SP3: variants seen among roughly 807,000 people sequenced by gnomAD.
The protein encoded by SP3 is transcription factor Sp3.
A neutral mutation model predicts 70.3 loss-of-function variants in SP3; 10 were observed. The observed-to-expected ratio is 0.14, with a 90% CI of 0.09 to 0.24. The LOEUF (loss-of-function observed/expected upper bound fraction) is 0.24. Ranked by LOEUF, SP3 falls within the 10% of genes least tolerant of loss-of-function variation. The probability of loss-of-function intolerance (pLI) is 1.00; values close to 1 mark genes in which losing one functional copy is unlikely to be tolerated. For synonymous variants in SP3, 402 were observed against 333.5 expected, an observed-to-expected ratio of 1.21 and a Z score of -2.24; for missense variants, 825 against 914.6, an observed-to-expected ratio of 0.90 and a Z score of 1.26.
chr2:173,936,079 G>A (rs772096170), intron 4 of SP3, among the ~76,000 whole-genome samples: 8 of 152,072 alleles, frequency 5.3e-5, no homozygotes, highest in Non-Finnish European at 1.2e-4. Flanking sequence ...CCAGGCTGGA[G>A]AGCAGTGGCA....
At chr2:173,957,614 G>A (rs1000389279) in intron 3 of SP3, among the ~76,000 whole-genome samples, 6 of 152,072 alleles carry the variant, frequency 3.9e-5, no homozygotes, top group African/African-American at 1.2e-4. Context: ...TTTTATCAAC[G>A]CTTGTAAATG....
chr2:173,913,010 T>G (rs1689533914), intron 6 of SP3, 60 bp downstream of exon 6: 1 of 1,291,220 alleles, frequency 7.7e-7, no homozygotes, highest in Non-Finnish European at 1.0e-6. Context: ...AAAAAAGAAG[T>G]CAAGGCAGTT....
intron 6 of SP3, among the ~76,000 whole-genome samples, chr2:173,910,739 C>A (rs1382928824): frequency 6.6e-6 from 1 of 152,144 alleles, no homozygotes; most frequent in African/African-American, 2.4e-5. Flanking sequence ...ACACCACAAG[C>A]TTGAGATCCA....
intron 4 of SP3, among the ~76,000 whole-genome samples, chr2:173,951,204 T>C (rs751027311): frequency 5.9e-5 from 9 of 152,214 alleles, no homozygotes; most frequent in Non-Finnish European, 1.2e-4. Context: ...GTAACATTAA[T>C]TTTGTACACA....
intron 5 of SP3, chr2:173,913,829 A>C (rs1006781017): frequency 5.9e-5 from 9 of 152,166 alleles, no homozygotes; most frequent in African/African-American, 2.2e-4. Context: ...CTTTTTTTTA[A>C]ATCTAGTTAA....
At chr2:173,952,166 T>TTTACTTGAAAGAAGTAAAA (rs1468175661) in intron 4 of SP3, among the ~76,000 whole-genome samples, 37 of 151,904 alleles carry the variant, frequency 2.4e-4, no homozygotes, top group Non-Finnish European at 2.5e-4. Flanking sequence ...CCACAGTTTA[T>TTTACTTGAAAGAAGTAAAA]CATTCTTTCA....
intron 4 of SP3, among the ~76,000 whole-genome samples, chr2:173,924,088 A>G (rs2105465265): frequency 6.6e-6 from 1 of 152,212 alleles, no homozygotes; most frequent in African/African-American, 2.4e-5. Context: ...AAATATAATA[A>G]TAATTTTAAA....
Position 173,906,426 on chromosome 2 carries a change from GACA to G in SP3, c.*3512_*3514del. ...TTAATTTGTTTTGTGCTTATTGTCA[GACA>G]ACAAAAGACTTAGTACTCATTCATG... On this transcript the variant is annotated 3_prime_UTR_variant, in exon 7 of 7. Transcript: ENST00000310015. 6.6e-6 allele frequency: 1 copy of G among 152,082 alleles called. No homozygotes were observed. Among genetic ancestry groups the G allele is most frequent in the East Asian group, 1.9e-4 (1 of 5,198 alleles). The allele number at this position is 152,082 out of a possible 1,614,324, so 9.4% of individuals were successfully genotyped here.
chr2:173,924,348 T>A (rs1689847875), intron 4 of SP3, among the ~76,000 whole-genome samples: 1 of 152,212 alleles, frequency 6.6e-6, no homozygotes, highest in Non-Finnish European at 1.5e-5. Context: ...CATTTTATAG[T>A]CTTACCACAA....
At chr2:173,924,004 A>G (rs944667662) in intron 4 of SP3, among the ~76,000 whole-genome samples, 1 of 152,150 alleles carries the variant, frequency 6.6e-6, no homozygotes, top group African/African-American at 2.4e-5. Flanking sequence ...TCCTAAAAAT[A>G]TAACTTCACT....
rs1235127640 is a variant in SP3, at chr2:173,955,470, T to C, written c.1042A>G (p.Ile348Val). Residue 348 changes from isoleucine (I) to valine (V), a missense_variant, in exon 4 of 7, where the codon ATA (isoleucine) becomes GTA (valine). Ile to Val is a conservative substitution (Grantham distance 29). Transcript: ENST00000310015. ...QLPVTIDSTG[I>V]LQQNTNSLTT... ...AAGCTATTTGTGTTTTGTTGTAATA[T>C]ACCTGTACTATCTATCGTAACAGGC... The C allele has an allele frequency of 6.2e-7, 1 of 1,614,178 alleles. No individual in the cohort carries two copies. The highest frequency in any genetic ancestry group is 8.5e-7 in the Non-Finnish European group (1 of 1,180,024).
Position 173,906,814 on chromosome 2 carries a change from T to TC in SP3, c.*3126_*3127insG, listed in dbSNP as rs1267660545. 1.1e-4 allele frequency: 17 copies of TC among 152,130 alleles called. No individual in the cohort carries two copies. Among genetic ancestry groups the TC allele is most frequent in the African/African-American group, 3.9e-4 (16 of 41,402 alleles). 9.4% of individuals were successfully genotyped at this position (152,130 alleles called of 1,614,324 possible). A position where few individuals can be genotyped will look rare whatever the true frequency, so the allele number is the denominator to read the frequency against. On this transcript the variant is annotated 3_prime_UTR_variant, in exon 7 of 7. Coordinates refer to ENST00000310015, the MANE Select transcript of SP3 (RefSeq NM_003111.5). ...TTGAGCAGCTGTTTCAAAACACATA[T>TC]ACACTCCATCTCCAGAGATGTTGAT...
rs1487714720 is a variant in SP3, at chr2:173,904,270, T to G, written c.*5671A>C. Among the ~76,000 whole-genome samples, 4 of 152,040 alleles carry G rather than the reference T, an allele frequency of 2.6e-5. No individual in the cohort carries two copies. Among genetic ancestry groups the G allele is most frequent in the Non-Finnish European group, 4.4e-5 (3 of 67,982 alleles). On this transcript the variant is annotated 3_prime_UTR_variant, in exon 7 of 7. Transcript: ENST00000310015. ...TGGTTCCTCACAGACCAGGGACCAG[T>G]ACCGGTCTGTGGCCCAGGGGTTGGG...
At chr2:173,911,408 T>C (rs975840594) in intron 6 of SP3, among the ~76,000 whole-genome samples, 1 of 152,192 alleles carries the variant, frequency 6.6e-6, no homozygotes, top group Non-Finnish European at 1.5e-5. Flanking sequence ...CATACCACCA[T>C]TTTTCTACTA....
At chr2:173,963,554 T>C (rs1197372697) in intron 3 of SP3, among the ~76,000 whole-genome samples, 4 of 152,094 alleles carry the variant, frequency 2.6e-5, no homozygotes, top group Non-Finnish European at 5.9e-5. Context: ...TTGCGCGAGG[T>C]GCTGCAGTGA....
At chr2:173,931,571 T>G (rs983296894) in intron 4 of SP3, among the ~76,000 whole-genome samples, 3 of 151,242 alleles carry the variant, frequency 2.0e-5, no homozygotes, top group African/African-American at 7.3e-5. Context: ...CTTCAACTCC[T>G]GACCACGTGA....
chr2:173,961,043 T>G (rs956226291), intron 3 of SP3, among the ~76,000 whole-genome samples: 1 of 152,170 alleles, frequency 6.6e-6, no homozygotes, highest in African/African-American at 2.4e-5. Context: ...AGTAAATTAA[T>G]AATCCACAAG....
chr2:173,949,454 A>T (rs185123262), intron 4 of SP3, among the ~76,000 whole-genome samples: 2 of 152,296 alleles, frequency 1.3e-5, no homozygotes, highest in African/African-American at 4.8e-5. Context: ...CTGCCAAGAC[A>T]CTATAGGAGA....
At chr2:173,943,031 T>G (rs1421265486) in intron 4 of SP3, among the ~76,000 whole-genome samples, 1 of 152,048 alleles carries the variant, frequency 6.6e-6, no homozygotes, top group Non-Finnish European at 1.5e-5. Context: ...ATCTGGGGAT[T>G]TTGATATTCT....
Sources: allele counts gnomAD v4.1 joint callset (sites outside exome capture counted in the v4.1 genomes callset), GRCh38; gene constraint gnomAD v4.1.1; transcripts MANE v1.5; gene names NCBI Gene and HGNC (gene_info 2026-07-23, HGNC 2026-07-21).